The following IPO4 variants were observed in gnomAD, a reference collection of about 807,000 sequenced individuals.
IPO4 encodes importin-4.
In IPO4, 91 loss-of-function variants were observed where a neutral mutation model predicts 133.5. That is an observed-to-expected ratio of 0.68 (90% CI 0.58 to 0.81). The LOEUF (loss-of-function observed/expected upper bound fraction) is 0.81, where lower values mean the gene tolerates loss of function less well. Ranked by LOEUF, IPO4 falls within the 30% of genes least tolerant of loss-of-function variation. IPO4 has a pLI of 0.00. For synonymous variants in IPO4, 607 were observed against 581.6 expected, an observed-to-expected ratio of 1.04 and a Z score of -0.63; for missense variants, 1,279 against 1,386.2, an observed-to-expected ratio of 0.92 and a Z score of 1.23.
chr14:24,185,755 T>C (rs1270011728), intron 12 of IPO4, 106 bp downstream of exon 12: 4 of 1,011,838 alleles, frequency 4.0e-6, no homozygotes, highest in East Asian at 2.4e-5. Flanking sequence ...CTTTTGATAA[T>C]GGGGGGAAAC....
In IPO4 at chr14:24,185,142, G is replaced by A. The variant is rs759735582; in HGVS notation, c.1408+41C>T. 3.2e-5 allele frequency: 51 copies of A among 1,611,984 alleles called. No individual in the cohort carries two copies. In the Admixed American group the frequency reaches 4.8e-4, roughly 15 times the overall value. On this transcript the variant is annotated intron_variant, in intron 14 of 29. Transcript: ENST00000354464. Reference sequence around the variant, plus strand: ...TCCTGTACATTCAGCCAAAGCCGCCGCCTCATCCCCCTTCCCCAAGCTCCC... The same window carrying A: ...TCCTGTACATTCAGCCAAAGCCGCCACCTCATCCCCCTTCCCCAAGCTCCC...
intron 4 of IPO4, 152 bp downstream of exon 4, chr14:24,188,064 A>G (rs2039251460): frequency 1.2e-6 from 1 of 860,476 alleles, no homozygotes; most frequent in Non-Finnish European, 1.8e-6. Context: ...TTCCTCAAGA[A>G]CTTTAGTCTT....
chr14:24,188,306 T>C, intron 3 of IPO4, 38 bp downstream of exon 3: 1 of 1,612,860 alleles, frequency 6.2e-7, no homozygotes, highest in East Asian at 2.2e-5. Flanking sequence ...CCAAGAAAAG[T>C]CTCCGCCTGG....
intron 24 of IPO4, 161 bp from the exon 25 acceptor site, chr14:24,182,564 CT>C (rs1566641881): frequency 1.9e-6 from 2 of 1,065,426 alleles, no homozygotes; most frequent in African/African-American, 1.6e-5. Flanking sequence ...GCTTCTTCCC[CT>C]GGCTCTTCTG....
At chr14:24,181,024 T>C (rs6573601) in intron 28 of IPO4, among the ~76,000 whole-genome samples, 151,215 of 152,282 alleles carry the variant, frequency 0.99, 75,082 homozygotes, top group East Asian at 1. Flanking sequence ...CTCAGGAGCT[T>C]CACCTACACA....
Position 24,188,327 on chromosome 14 carries a change from CCCCAGGCCCAG to C in IPO4, c.236+6_236+16del, listed in dbSNP as rs1241815650. 2 of 1,613,306 alleles carry C rather than the reference CCCCAGGCCCAG, an allele frequency of 1.2e-6. No individual in the cohort carries two copies. The highest frequency in any genetic ancestry group is 3.3e-5 in the Admixed American group (2 of 59,946). ...AAAGTCTCCGCCTGGCCCCGCCCCA[CCCCAGGCCCAG>C]CCCACCTCTCCCGTTGCTCCGCCGC... On this transcript the variant is annotated splice_donor_region_variant and intron_variant, in intron 3 of 29. Transcript: ENST00000354464.
At chr14:24,182,192 G>C in intron 25 of IPO4, 29 bp from the exon 26 acceptor site, 3 of 1,614,008 alleles carry the variant, frequency 1.9e-6, no homozygotes, top group Non-Finnish European at 2.5e-6. Flanking sequence ...AAGGAGTACA[G>C]ATCAGCCTGG....
In IPO4 at chr14:24,186,260, C is replaced by G. The variant is rs773610744; in HGVS notation, c.1005+27G>C. ...ACGTCCCACAGCCACCTAACACCTT[C>G]CCCCTCTGTCCTGCCCCACATCTCA... On this transcript the variant is annotated intron_variant, in intron 10 of 29. Coordinates refer to ENST00000354464, the MANE Select transcript of IPO4 (RefSeq NM_024658.4). 6.9e-6 allele frequency: 11 copies of G among 1,602,434 alleles called. No individual in the cohort carries two copies. In the Admixed American group the frequency reaches 8.4e-5, roughly 12 times the overall value.
In IPO4 at chr14:24,188,213, T is replaced by C. The variant is rs570084428; in HGVS notation, c.278+3A>G. ...ATCCCGAGAGAAGTGGGTAGGTACTTACTCTGTTTCTCTCTGCAGGGCCGT... is the reference window on the plus strand; with the variant it reads ...ATCCCGAGAGAAGTGGGTAGGTACTCACTCTGTTTCTCTCTGCAGGGCCGT... On this transcript the variant is annotated splice_donor_region_variant and intron_variant, in intron 4 of 29. Coordinates refer to ENST00000354464, the MANE Select transcript of IPO4 (RefSeq NM_024658.4). 6.2e-7 allele frequency: 1 copy of C among 1,613,136 alleles called. No individual in the cohort carries two copies. The highest frequency in any genetic ancestry group is 1.3e-5 in the African/African-American group (1 of 75,024).
At position 24,180,670 on chromosome 14, in the gene IPO4, C is replaced by G. The variant is rs748202443; in HGVS notation, c.3115+19G>C. 1.5e-5 allele frequency: 24 copies of G among 1,614,008 alleles called. No individual in the cohort carries two copies. In the Admixed American group the frequency reaches 3.2e-4, roughly 21 times the overall value. On this transcript the variant is annotated intron_variant, in intron 29 of 29. Transcript: ENST00000354464. ...CTCCCAGCCTCCCGCAAGCCCCTGC[C>G]TATGACTCCTACCCTCACCTGGTGG...
Position 24,186,408 on chromosome 14 carries a change from A to G in IPO4, c.884T>C (p.Leu295Pro), listed in dbSNP as rs1265739355. ...NRLLPPLLHT[L>P]FPIVAAEPPP... ...GGGCTCAGCAGCCACAATGGGGAAA[A>G]GGGTGTGCAGCAAGGGTGGCAGGAG... Residue 295 changes from leucine (L) to proline (P), a missense_variant, in exon 10 of 30, where the codon CTT (leucine) becomes CCT (proline). Coordinates refer to ENST00000354464, the MANE Select transcript of IPO4 (RefSeq NM_024658.4). 3.1e-6 allele frequency: 5 copies of G among 1,609,072 alleles called. No individual in the cohort carries two copies. Among genetic ancestry groups the G allele is most frequent in the Middle Eastern group, 3.3e-4 (2 of 6,042 alleles).
rs1202044174 is a variant in IPO4, at chr14:24,186,152, G to T, written c.1036C>A (p.Pro346Thr). Residue 346 changes from proline (P) to threonine (T), a missense_variant, in exon 11 of 30, where the codon CCC becomes ACC. Around this residue, in one of 3 missense-constraint regions of IPO4, gnomAD observed 695 missense variants for 704.1 expected, o/e 0.99. Coordinates refer to ENST00000354464, the MANE Select transcript of IPO4 (RefSeq NM_024658.4). ...ACCAGCTGGGGACAGAGCTTCTCGGGGGGCAGGTGTAGTGCCAGCATGTCC... is the reference window on the plus strand; with the variant it reads ...ACCAGCTGGGGACAGAGCTTCTCGGTGGGCAGGTGTAGTGCCAGCATGTCC... ...VVDMLALHLP[P>T]EKLCPQLMPM... The T allele has an allele frequency of 6.2e-7, 1 of 1,613,892 alleles. No homozygotes were observed.
chr14:24,183,327 G>A lies in IPO4; in HGVS notation c.2150C>T (p.Ala717Val). Residue 717 changes from alanine (A) to valine (V), a missense_variant, in exon 22 of 30, where the codon GCC (alanine) becomes GTC (valine). Ala to Val is a moderately conservative substitution (Grantham distance 64, BLOSUM62 0). Coordinates refer to ENST00000354464, the MANE Select transcript of IPO4 (RefSeq NM_024658.4). ...ECPHLNVRKA[A>V]HEALGQFCCA... ...GCAAAACTGACCCAGAGCCTCATGG[G>A]CTGCCTTCCGCACATTCAGGTGAGG... is the stretch of plus-strand genomic sequence containing the variant. The A allele has an allele frequency of 6.2e-7, 1 of 1,612,140 alleles. No individual in the cohort carries two copies. Among genetic ancestry groups the A allele is most frequent in the Non-Finnish European group, 8.5e-7 (1 of 1,179,044 alleles).
Position 24,186,455 on chromosome 14 carries a change from G to T in IPO4, c.841-4C>A. On this transcript the variant is annotated splice_region_variant and splice_polypyrimidine_tract_variant and intron_variant, in intron 9 of 29. Transcript: ENST00000354464. ...GGAGACGATTCTTCAGTAAGGCCTT[G>T]ACAGAGAAGGTGGAACAGTGTCCCT... The T allele has an allele frequency of 6.4e-7, 1 of 1,572,396 alleles. No homozygotes were observed. The highest frequency in any genetic ancestry group is 1.2e-5 in the South Asian group (1 of 85,078).
At chr14:24,182,256 A>G (rs1307631426) in intron 25 of IPO4, 22 bp downstream of exon 25, 1 of 1,614,130 alleles carries the variant, frequency 6.2e-7, no homozygotes, top group Non-Finnish European at 8.5e-7. Context: ...CTAGGGCTTG[A>G]AGCCAGAAGA....
At position 24,186,400 on chromosome 14, in the gene IPO4, T is replaced by A; in HGVS notation, c.892A>T (p.Ile298Phe). 5 of 1,611,758 alleles carry A rather than the reference T, an allele frequency of 3.1e-6. No individual in the cohort carries two copies. The highest frequency in any genetic ancestry group is 4.2e-6 in the Non-Finnish European group (5 of 1,178,756). The change falls in exon 10 of 30, where the codon ATT becomes TTT. Residue 298 changes from isoleucine to phenylalanine, a missense_variant. Around this residue, in one of 3 missense-constraint regions of IPO4, gnomAD observed 695 missense variants for 704.1 expected, o/e 0.99. Transcript: ENST00000354464. ...CCTGGTGGGGGCTCAGCAGCCACAA[T>A]GGGGAAAAGGGTGTGCAGCAAGGGT... ...LPPLLHTLFP[I>F]VAAEPPPGQL...
chr14:24,182,215 G>C (rs779176568), intron 25 of IPO4, 52 bp from the exon 26 acceptor site: 1 of 1,613,866 alleles, frequency 6.2e-7, no homozygotes, highest in Non-Finnish European at 8.5e-7. Flanking sequence ...CAAGGATAAA[G>C]GCTGTGGTGG....
In IPO4 at chr14:24,182,390, G is replaced by T. The variant is rs760296414; in HGVS notation, c.2486C>A (p.Ala829Asp). ...CTCTCCAGCGTGCTCCAGCAACATG[G>T]CGTCGTATTCAGCCTGTGGAGCCAG... is the stretch of plus-strand genomic sequence containing the variant. ...EEDDDQAEYD[A>D]MLLEHAGEAI... Residue 829 changes from alanine to aspartate, a missense_variant, in exon 25 of 30, where the codon GCC becomes GAC. Ala to Asp is a moderately radical substitution (Grantham distance 126). Around this residue, in one of 3 missense-constraint regions of IPO4, gnomAD observed 575 missense variants for 653.4 expected, o/e 0.88. Transcript: ENST00000354464. 7.4e-6 allele frequency: 12 copies of T among 1,611,802 alleles called. No homozygotes were observed. Among genetic ancestry groups the T allele is most frequent in the Middle Eastern group, 1.7e-4 (1 of 6,060 alleles).
chr14:24,184,285 A>AG lies in IPO4; in HGVS notation c.1757+12dup. ...AGGGGACAAGGGCAGAGGCAGGGTGAGGGGTCACTCACGTGCAGCGCCGCA... is the reference window on the plus strand; with the variant it reads ...AGGGGACAAGGGCAGAGGCAGGGTGAGGGGGTCACTCACGTGCAGCGCCGCA... On this transcript the variant is annotated intron_variant, in intron 17 of 29. Coordinates refer to ENST00000354464, the MANE Select transcript of IPO4 (RefSeq NM_024658.4). The AG allele has an allele frequency of 1.3e-6, 2 of 1,579,082 alleles. No homozygotes were observed. Among genetic ancestry groups the AG allele is most frequent in the Non-Finnish European group, 1.7e-6 (2 of 1,162,564 alleles).
Sources: allele counts gnomAD v4.1 joint callset (sites outside exome capture counted in the v4.1 genomes callset), GRCh38; gene constraint gnomAD v4.1.1; regional missense constraint gnomAD v4.1.1; transcripts MANE v1.5; gene names NCBI Gene and HGNC (gene_info 2026-07-23, HGNC 2026-07-21).